Variants in ADAMTSL1 observed in about 807,000 individuals in gnomAD.
ADAMTSL1 encodes the protein ADAMTS-like protein 1.
In ADAMTSL1, 126 loss-of-function variants were observed where a neutral mutation model predicts 201.8. That is an observed-to-expected ratio of 0.62 (90% confidence interval 0.54 to 0.72). The LOEUF (loss-of-function observed/expected upper bound fraction) is 0.72. Among genes scored for constraint, ADAMTSL1 ranks in the 30% least tolerant of loss-of-function variants. The pLI is 0.00. For missense variants in ADAMTSL1, 2,679 were observed against 2,277.8 expected (o/e 1.18, Z -3.59); for synonymous variants, 1,121 against 903.4 (o/e 1.24, Z -4.32).
intron 1 of ADAMTSL1, among the ~76,000 whole-genome samples, chr9:18,076,505 A>G (rs762863994): frequency 7.2e-5 from 11 of 152,234 alleles, no homozygotes; most frequent in Non-Finnish European, 1.2e-4. Flanking sequence ...TAGTGCCTCC[A>G]TGGGATAATG....
At chr9:18,872,445 T>C (rs1036455539) in intron 23 of ADAMTSL1, among the ~76,000 whole-genome samples, 3 of 152,170 alleles carry the variant, frequency 2.0e-5, no homozygotes, top group African/African-American at 7.2e-5. Flanking sequence ...ACCCAAGCAG[T>C]GTGCACTGTA....
intron 1 of ADAMTSL1, among the ~76,000 whole-genome samples, chr9:17,910,874 G>A (rs1409131898): frequency 1.5e-5 from 1 of 68,826 alleles, no homozygotes; most frequent in African/African-American, 2.9e-5. Context: ...TCGATAGCCA[G>A]TGCCAGATGA....
At chr9:18,259,468 T>C (rs1331571483) in intron 2 of ADAMTSL1, among the ~76,000 whole-genome samples, 1 of 150,362 alleles carries the variant, frequency 6.7e-6, no homozygotes, top group East Asian at 2.0e-4. Flanking sequence ...GCTAATATCC[T>C]GCCACCACAC....
intron 2 of ADAMTSL1, among the ~76,000 whole-genome samples, chr9:18,327,829 T>C (rs935012677): frequency 6.6e-6 from 1 of 152,218 alleles, no homozygotes; most frequent in Non-Finnish European, 1.5e-5. Flanking sequence ...GGCAGAAATA[T>C]AGCTTGCTTA....
At chr9:18,186,905 A>G (rs926698344) in intron 2 of ADAMTSL1, among the ~76,000 whole-genome samples, 1 of 151,974 alleles carries the variant, frequency 6.6e-6, no homozygotes, top group Non-Finnish European at 1.5e-5. Context: ...TATTGACGAT[A>G]AGGATGGGTT....
chr9:18,236,098 T>C lies in ADAMTSL1; in HGVS notation c.207+72117T>C, dbSNP rs892607934. On this transcript the variant is annotated intron_variant, in intron 2 of 29. Coordinates refer to the ADAMTSL1 transcript ENST00000680146. ...TTTAAATTCCAAATAATCAGTACCC[T>C]CACCCAAAATCTATCGGGCTGGAGT... 5.2e-4 allele frequency among the ~76,000 whole-genome samples: 79 copies of C among 152,294 alleles called. 1 individual carries two copies. Among genetic ancestry groups the C allele is most frequent in the Middle Eastern group, 6.8e-3 (2 of 294 alleles).
At chr9:18,380,741 G>A (rs1837522394) in intron 2 of ADAMTSL1, among the ~76,000 whole-genome samples, 1 of 152,200 alleles carries the variant, frequency 6.6e-6, no homozygotes, top group Admixed American at 6.5e-5. Flanking sequence ...TTTAAAAAAA[G>A]AATTTTGTGT....
At chr9:18,802,861 C>G (rs1039861448) in intron 20 of ADAMTSL1, among the ~76,000 whole-genome samples, 37 of 152,174 alleles carry the variant, frequency 2.4e-4, no homozygotes, top group South Asian at 8.3e-4. Flanking sequence ...ATATTCTCAC[C>G]AACAGTTGTT....
intron 27 of ADAMTSL1, among the ~76,000 whole-genome samples, 192 bp downstream of exon 27, chr9:18,906,083 A>G (rs570017104): frequency 6.6e-6 from 1 of 152,204 alleles, no homozygotes; most frequent in South Asian, 2.1e-4. Context: ...TGCTTATCTA[A>G]TGGGCTAGGC....
chr9:18,371,490 C>T (rs996506299), intron 2 of ADAMTSL1, among the ~76,000 whole-genome samples: 3 of 152,142 alleles, frequency 2.0e-5, no homozygotes, highest in Admixed American at 1.3e-4. Flanking sequence ...AGTTGTTACA[C>T]TTAGGTTTAC....
intron 7 of ADAMTSL1, among the ~76,000 whole-genome samples, chr9:18,642,280 G>C (rs61594226): frequency 0.081 from 10,422 of 128,672 alleles, 550 homozygotes; most frequent in African/African-American, 0.17. Context: ...ATTGAAACAA[G>C]TTCTCTTTTA....
At chr9:18,783,520 C>T (rs1432284267) in intron 19 of ADAMTSL1, among the ~76,000 whole-genome samples, 1 of 152,224 alleles carries the variant, frequency 6.6e-6, no homozygotes, top group African/African-American at 2.4e-5. Context: ...TAGATTATCA[C>T]AACAGCTTCC....
chr9:17,973,986 G>A (rs968100943), intron 1 of ADAMTSL1, among the ~76,000 whole-genome samples: 1 of 151,690 alleles, frequency 6.6e-6, no homozygotes, highest in Non-Finnish European at 1.5e-5. Flanking sequence ...TGGTGTATAA[G>A]AATGCTTGTG....
chr9:18,865,087 C>T (rs539821702), intron 23 of ADAMTSL1, among the ~76,000 whole-genome samples: 40 of 152,056 alleles, frequency 2.6e-4, no homozygotes, highest in African/African-American at 8.7e-4. Flanking sequence ...ATGTGCACAA[C>T]GTGCAGATTT....
intron 21 of ADAMTSL1, among the ~76,000 whole-genome samples, chr9:18,817,909 T>C (rs1023982752): frequency 1.3e-5 from 2 of 152,004 alleles, no homozygotes; most frequent in Non-Finnish European, 2.9e-5. Context: ...TTAGAGAAGA[T>C]AGCCAGTGGA....
At chr9:18,841,906 C>T (rs371470462) in intron 23 of ADAMTSL1, among the ~76,000 whole-genome samples, 26 of 151,940 alleles carry the variant, frequency 1.7e-4, no homozygotes, top group East Asian at 5.8e-4. Context: ...TTTTTTATTG[C>T]GTCTATTTGA....
At chr9:18,576,285 A>C (rs2132378628) in intron 4 of ADAMTSL1, among the ~76,000 whole-genome samples, 1 of 152,328 alleles carries the variant, frequency 6.6e-6, no homozygotes, top group South Asian at 2.1e-4. Flanking sequence ...CACTAACAAG[A>C]AATTTAGTTT....
intron 1 of ADAMTSL1, among the ~76,000 whole-genome samples, chr9:18,081,320 T>C (rs984187827): frequency 2.0e-5 from 3 of 152,238 alleles, no homozygotes; most frequent in Non-Finnish European, 4.4e-5. Context: ...CATGTAGTAA[T>C]ACTTTATTGT....
chr9:17,938,587 T>G (rs1361872745), intron 1 of ADAMTSL1, among the ~76,000 whole-genome samples: 1 of 152,114 alleles, frequency 6.6e-6, no homozygotes, highest in African/African-American at 2.4e-5. Flanking sequence ...TTGACTTAAC[T>G]TGGACTTCAC....
Sources: gnomAD v4.1 joint callset for allele counts (sites outside exome capture counted in the v4.1 genomes callset) on GRCh38, gnomAD v4.1.1 for gene constraint, MANE v1.5 for transcripts, NCBI Gene and HGNC (gene_info 2026-07-23, HGNC 2026-07-21) for gene names.